Variants in PACS1 observed in about 807,000 individuals in gnomAD.
PACS1 encodes the protein PACS-1.
PACS1 carries 24 observed loss-of-function variants against 115.0 expected under a neutral mutation model. The ratio of observed to expected loss-of-function variants is 0.21; its 90% CI spans 0.15 to 0.29. PACS1 has a LOEUF of 0.29. PACS1 is among the 10% of genes least tolerant of loss of function. The pLI is 1.00. For synonymous variants in PACS1, 453 were observed against 504.5 expected (o/e 0.90, Z 1.37); for missense variants, 838 against 1,251.2 (o/e 0.67, Z 4.98).
chr11:66,089,215 T>C (rs1207933186), intron 1 of PACS1, among the ~76,000 whole-genome samples: 1 of 152,206 alleles, frequency 6.6e-6, no homozygotes, highest in East Asian at 1.9e-4. Flanking sequence ...CACCACTGAA[T>C]GTCAGTGAAT....
In PACS1 at chr11:66,233,023, G is replaced by A. The variant is rs1468177765; in HGVS notation, c.1795G>A (p.Val599Ile). 1 of 1,611,964 alleles carries A rather than the reference G, an allele frequency of 6.2e-7. No individual in the cohort carries two copies. The highest frequency in any genetic ancestry group is 8.5e-7 in the Non-Finnish European group (1 of 1,179,978). ...PVVCTCSTVE[V>I]QAVLSALLTR... ...GGTGTGCACCTGCTCCACCGTGGAG[G>A]TCCAGGCCGTGCTGTCCGCCCTGCT... The change falls in exon 15 of 24, where the codon GTC (valine) becomes ATC (isoleucine). Residue 599 changes from valine (V) to isoleucine (I), a missense_variant. Physicochemically the swap from Val to Ile is conservative, Grantham distance 29. Coordinates refer to ENST00000320580, the MANE Select transcript of PACS1 (RefSeq NM_018026.4). The surrounding 1 kb of genome is among the most constrained non-coding windows in gnomAD (Gnocchi z 4.5).
At chr11:66,167,060 G>A (rs776767513) in intron 1 of PACS1, among the ~76,000 whole-genome samples, 5 of 150,258 alleles carry the variant, frequency 3.3e-5, no homozygotes, top group Non-Finnish European at 7.4e-5. Context: ...CCATCGTGCC[G>A]CATCTTCACA....
rs1158312745 is a variant in PACS1, at chr11:66,235,664, A to T, written c.2208-234A>T. The T allele has an allele frequency of 1.6e-6, 1 of 611,890 alleles. No homozygotes were observed. The highest frequency in any genetic ancestry group is 1.8e-5 in the African/African-American group (1 of 54,148). The allele number at this position is 611,890 out of a possible 1,614,324, so 37.9% of individuals were successfully genotyped here. On this transcript the variant is annotated intron_variant, in intron 18 of 23. Transcript: ENST00000320580. This position sits in a 1 kb window ranked among gnomAD's most constrained non-coding sequence, Gnocchi z 5.6. ...GCCCATCCTCATAGCTGGAACTCAG[A>T]CGTGGGAAGCAGGGAGCGTAGCTTG... is the stretch of plus-strand genomic sequence containing the variant.
At chr11:66,214,060 C>T (rs1221195383) in intron 4 of PACS1, among the ~76,000 whole-genome samples, 1 of 135,064 alleles carries the variant, frequency 7.4e-6, no homozygotes, top group East Asian at 2.2e-4. Flanking sequence ...AAAAAAAAGG[C>T]TGTGATTATT....
At chr11:66,073,435 C>CAT (rs998986481) in intron 1 of PACS1, among the ~76,000 whole-genome samples, 1 of 152,130 alleles carries the variant, frequency 6.6e-6, no homozygotes, top group Non-Finnish European at 1.5e-5. Context: ...GTTAGGTGTG[C>CAT]ATAAGAATGT....
At chr11:66,213,326 G>C (rs1855122249) in intron 4 of PACS1, among the ~76,000 whole-genome samples, 1 of 152,170 alleles carries the variant, frequency 6.6e-6, no homozygotes, top group Admixed American at 6.5e-5. Flanking sequence ...CTTCATGCCA[G>C]CTTTGAGTCC....
chr11:66,100,900 G>T, intron 1 of PACS1: 1 of 456,262 alleles, frequency 2.2e-6, no homozygotes, highest in Non-Finnish European at 4.4e-6. Context: ...TCCAAGGGCA[G>T]GCATCACACA....
At chr11:66,205,378 T>C (rs904282418) in intron 2 of PACS1, among the ~76,000 whole-genome samples, 3 of 152,004 alleles carry the variant, frequency 2.0e-5, no homozygotes, top group Admixed American at 2.0e-4. Context: ...TGATAATTTA[T>C]AGTACATTTA....
chr11:66,088,594 G>T (rs2134509361), intron 1 of PACS1, among the ~76,000 whole-genome samples: 1 of 152,264 alleles, frequency 6.6e-6, no homozygotes, highest in East Asian at 1.9e-4. Flanking sequence ...TTTCTGTTCT[G>T]TACCATCGGT....
intron 1 of PACS1, among the ~76,000 whole-genome samples, chr11:66,109,483 A>G (rs1306221498): frequency 6.6e-6 from 1 of 152,220 alleles, no homozygotes; most frequent in Admixed American, 6.5e-5. Flanking sequence ...ACACAACAGC[A>G]TATGAGTCAT....
intron 1 of PACS1, among the ~76,000 whole-genome samples, chr11:66,089,898 C>T (rs544985176): frequency 1.3e-4 from 19 of 149,096 alleles, no homozygotes; most frequent in African/African-American, 3.7e-4. Context: ...CCCAGCTACT[C>T]GAGAGGCTGA....
intron 1 of PACS1, among the ~76,000 whole-genome samples, chr11:66,120,308 G>A (rs901110057): frequency 2.6e-5 from 4 of 152,018 alleles, no homozygotes; most frequent in African/African-American, 9.7e-5. Flanking sequence ...TATTGGCCAG[G>A]CTGTTCTTGA....
At chr11:66,179,900 G>A (rs1458135923) in intron 1 of PACS1, among the ~76,000 whole-genome samples, 1 of 152,116 alleles carries the variant, frequency 6.6e-6, no homozygotes, top group African/African-American at 2.4e-5. Flanking sequence ...TGCCCAGGCT[G>A]GAGTGCAGTG....
chr11:66,163,088 C>T (rs1859528568), intron 1 of PACS1, among the ~76,000 whole-genome samples: 1 of 152,114 alleles, frequency 6.6e-6, no homozygotes, highest in African/African-American at 2.4e-5. Flanking sequence ...GTGGCTCACA[C>T]CTGTAATCCC....
Position 66,230,878 on chromosome 11 carries a change from C to G in PACS1, c.1564C>G (p.Leu522Val), listed in dbSNP as rs2134735798. 6.2e-7 allele frequency: 1 copy of G among 1,614,186 alleles called. No homozygotes were observed. Among genetic ancestry groups the G allele is most frequent in the Non-Finnish European group, 8.5e-7 (1 of 1,180,010 alleles). Residue 522 changes from leucine to valine, a missense_variant, in exon 13 of 24, where the codon CTA becomes GTA. Transcript: ENST00000320580. ...PLKERQLSKP[L>V]SERTNSSDSE... The stretch of plus-strand genomic sequence containing the variant: ...GAAGGAGCGGCAGCTCTCCAAGCCC[C>G]TAAGTGAGAGGACCAACAGTTCCGA...
rs201993184 is a variant in PACS1 at position 66,243,059 on chromosome 11, G to C, written c.2776+28G>C. ...GCGAGGGCAGGCAGGGCCGGGAGGA[G>C]GGCAAGAAAGGGACTGGAGAGGGAG... is the stretch of plus-strand genomic sequence containing the variant. On this transcript the variant is annotated intron_variant, in intron 23 of 23. Transcript: ENST00000320580. 79 of 1,613,668 alleles carry C rather than the reference G, an allele frequency of 4.9e-5. No homozygotes were observed. In the Admixed American group the frequency reaches 1.2e-3, roughly 25 times the overall value.
Position 66,242,888 on chromosome 11 carries a change from C to T in PACS1, c.2657-24C>T, listed in dbSNP as rs530428155. 4.3e-6 allele frequency: 7 copies of T among 1,613,768 alleles called. No homozygotes were observed. The African/African-American group carries it at 9.3e-5, about 22-fold the overall frequency. ...GGCGGCTTCCCCAGGGGCTGGGACA[C>T]AGGTGGCCTTGCTTGCTTTCCAGTT... On this transcript the variant is annotated intron_variant, in intron 22 of 23. Transcript: ENST00000320580.
chr11:66,171,764 A>G (rs1189857813), intron 1 of PACS1, among the ~76,000 whole-genome samples: 1 of 149,724 alleles, frequency 6.7e-6, no homozygotes, highest in East Asian at 1.9e-4. Context: ...TATTTTTAGT[A>G]GAGACGGGGT....
At position 66,153,791 on chromosome 11, in the gene PACS1, C is replaced by CA. The variant is rs1320767312; in HGVS notation, c.357-39687dup. 4.6e-5 allele frequency among the ~76,000 whole-genome samples: 7 copies of CA among 151,368 alleles called. No homozygotes were observed. The South Asian group carries it at 8.3e-4, about 18-fold the overall frequency. ...GCGAGACTGTCTCAAAACAAACAAA[C>CA]AAAAAAAACCTTTTAAACATAATAT... On this transcript the variant is annotated intron_variant, in intron 1 of 23. Transcript: ENST00000320580.
Sources: gnomAD v4.1 joint callset for allele counts (sites outside exome capture counted in the v4.1 genomes callset) on GRCh38, gnomAD v4.1.1 for gene constraint, Gnocchi (gnomAD v3.1) non-coding constraint, MANE v1.5 for transcripts, NCBI Gene and HGNC (gene_info 2026-07-23, HGNC 2026-07-21) for gene names.